The following FAF1 variants were observed in gnomAD, a reference collection of about 807,000 sequenced individuals.
FAF1 encodes the protein Fas associated factor 1.
A neutral mutation model predicts 92.5 loss-of-function variants in FAF1; 25 were observed. The ratio of observed to expected loss-of-function variants is 0.27; its 90% CI spans 0.20 to 0.38. FAF1 has a LOEUF of 0.38. Among genes scored for constraint, FAF1 ranks in the 10% least tolerant of loss-of-function variants. FAF1 has a pLI of 1.00. For missense variants in FAF1, 636 were observed against 793.3 expected, an observed-to-expected ratio of 0.80 and a Z score of 2.38; for synonymous variants, 234 against 273.2, an observed-to-expected ratio of 0.86 and a Z score of 1.42.
chr1:50,706,593 T>C (rs545636638), intron 6 of FAF1, among the ~76,000 whole-genome samples: 1 of 152,250 alleles, frequency 6.6e-6, no homozygotes, highest in South Asian at 2.1e-4. Flanking sequence ...AACTGTCAAT[T>C]ATATCAAATT....
chr1:50,699,361 T>G (rs932071397), intron 7 of FAF1, among the ~76,000 whole-genome samples: 3 of 152,120 alleles, frequency 2.0e-5, no homozygotes, highest in African/African-American at 7.2e-5. Flanking sequence ...TTTTTTAATC[T>G]CATAACTTTG....
chr1:50,813,014 T>C (rs367866473), intron 2 of FAF1, among the ~76,000 whole-genome samples: 23 of 151,994 alleles, frequency 1.5e-4, no homozygotes, highest in East Asian at 9.6e-4. Context: ...AGGAGGTAAA[T>C]ACTCAGTTAC....
chr1:50,599,336 T>TCCTGACCTCAGGTGATCTGCCCA (rs1452061923), intron 8 of FAF1, among the ~76,000 whole-genome samples: 2 of 152,122 alleles, frequency 1.3e-5, no homozygotes, highest in Non-Finnish European at 2.9e-5. Flanking sequence ...GGTCTTGAAC[T>TCCTGACCTCAGGTGATCTGCCCA]CCTGACCTCA....
At chr1:50,598,826 C>T (rs749213659) in intron 8 of FAF1, among the ~76,000 whole-genome samples, 13 of 151,996 alleles carry the variant, frequency 8.6e-5, no homozygotes, top group Admixed American at 2.6e-4. Flanking sequence ...AAAAATTAGC[C>T]GGGCATGGTG....
At chr1:50,707,271 G>T (rs1402749817) in intron 6 of FAF1, among the ~76,000 whole-genome samples, 5 of 151,764 alleles carry the variant, frequency 3.3e-5, no homozygotes, top group African/African-American at 1.2e-4. Context: ...GCGTTCACAG[G>T]TTAATTGTAG....
In FAF1 at chr1:50,874,758, CTTTTTTTTTTTT is replaced by C. The variant is rs755424291; in HGVS notation, c.46-16773_46-16762del. ...TTCTCCATCTTATTTTCTTTTCTTT[CTTTTTTTTTTTT>C]TTTTTTTTTTTTTTTTGGAGACAGG... is the stretch of plus-strand genomic sequence containing the variant. On this transcript the variant is annotated intron_variant, in intron 1 of 18. Transcript: ENST00000396153. 3.5e-3 allele frequency among the ~76,000 whole-genome samples: 237 copies of C among 67,274 alleles called. 1 individual carries two copies. Among genetic ancestry groups the C allele is most frequent in the African/African-American group, 0.014 (216 of 15,910 alleles). The allele number at this position is 67,274 out of a possible 152,430, so 44.1% of individuals were successfully genotyped here.
intron 13 of FAF1, among the ~76,000 whole-genome samples, chr1:50,565,565 T>C (rs896393119): frequency 6.6e-6 from 1 of 152,098 alleles, no homozygotes; most frequent in African/African-American, 2.4e-5. Flanking sequence ...AAACTCTTAT[T>C]ACTAGTGTAT....
intron 2 of FAF1, chr1:50,846,447 C>T (rs548192904): frequency 9.4e-5 from 41 of 436,416 alleles, no homozygotes; most frequent in African/African-American, 5.5e-4. Context: ...GCTTCCGAGC[C>T]GCACGCATCG....
At chr1:50,953,628 A>G (rs1557602759) in intron 1 of FAF1, among the ~76,000 whole-genome samples, 1 of 151,788 alleles carries the variant, frequency 6.6e-6, no homozygotes, top group Non-Finnish European at 1.5e-5. Context: ...AATCCCAGCT[A>G]CTTGGGAGGC....
At chr1:50,454,274 T>C (rs1421885368) in intron 18 of FAF1, among the ~76,000 whole-genome samples, 8 of 152,236 alleles carry the variant, frequency 5.3e-5, no homozygotes, top group African/African-American at 1.9e-4. Flanking sequence ...CAAATATGTC[T>C]TGTGCTTTTC....
intron 7 of FAF1, among the ~76,000 whole-genome samples, chr1:50,702,338 C>T (rs936610021): frequency 1.3e-5 from 2 of 151,690 alleles, no homozygotes; most frequent in East Asian, 1.9e-4. Flanking sequence ...GAATTCTCAG[C>T]GTAAAAAAAA....
intron 6 of FAF1, among the ~76,000 whole-genome samples, chr1:50,735,683 G>A (rs781342512): frequency 2.0e-5 from 3 of 151,908 alleles, no homozygotes; most frequent in Admixed American, 6.6e-5. Context: ...AGAGTGAGAC[G>A]GTTTGTCAGT....
At chr1:50,464,132 C>A (rs1245399621) in intron 18 of FAF1, among the ~76,000 whole-genome samples, 2 of 152,136 alleles carry the variant, frequency 1.3e-5, no homozygotes, top group African/African-American at 4.8e-5. Context: ...TGTGCCATGT[C>A]TGTGTCCTCA....
chr1:50,757,281 G>T (rs1477589835), intron 4 of FAF1, among the ~76,000 whole-genome samples: 4 of 152,028 alleles, frequency 2.6e-5, no homozygotes, highest in Non-Finnish European at 5.9e-5. Context: ...CAGATTTTTT[G>T]TCTGTTGTTC....
At position 50,614,033 on chromosome 1, in the gene FAF1, G is replaced by A. The variant is rs76179493; in HGVS notation, c.745-17817C>T. On this transcript the variant is annotated intron_variant, in intron 8 of 18. Transcript: ENST00000396153. ...AACTGCTTGAACCTGAGAGGTGGAGGTTGCAGTGAGTCGGGATTGTGCCAC... is the reference window on the plus strand; with the variant it reads ...AACTGCTTGAACCTGAGAGGTGGAGATTGCAGTGAGTCGGGATTGTGCCAC... 7.2e-4 allele frequency among the ~76,000 whole-genome samples: 109 copies of A among 152,012 alleles called. 5 individuals carry two copies. In the East Asian group the frequency reaches 0.02, roughly 28 times the overall value.
At position 50,959,796 on chromosome 1, in the gene FAF1, C is replaced by T; in HGVS notation, c.16G>A (p.Asp6Asn). 1 of 1,586,522 alleles carries T rather than the reference C, an allele frequency of 6.3e-7. No individual in the cohort carries two copies. Among genetic ancestry groups the T allele is most frequent in the Non-Finnish European group, 8.6e-7 (1 of 1,165,814 alleles). MASNM[D>N]REMILADFQA... ...AAATCCGCCAGGATCATCTCCCGGT[C>T]CATGTTGGACGCCATGGCGGCCGCC... The change falls in exon 1 of 19, where the codon GAC (aspartate) becomes AAC (asparagine). Residue 6 changes from aspartate to asparagine, a missense_variant. By Grantham distance (23) the Asp-to-Asn change is conservative (BLOSUM62 1). Transcript: ENST00000396153.
At chr1:50,941,030 T>C (rs1483578568) in intron 1 of FAF1, among the ~76,000 whole-genome samples, 2 of 151,632 alleles carry the variant, frequency 1.3e-5, no homozygotes, top group Non-Finnish European at 2.9e-5. Context: ...TGGGGTTTTT[T>C]TGGTTTTTTT....
chr1:50,590,698 T>C (rs960288935), intron 9 of FAF1, among the ~76,000 whole-genome samples: 1 of 152,188 alleles, frequency 6.6e-6, no homozygotes. Flanking sequence ...GGGGTCATTC[T>C]TGGCCGGGCG....
intron 7 of FAF1, among the ~76,000 whole-genome samples, chr1:50,671,026 T>G (rs1377209167): frequency 1.3e-5 from 2 of 152,076 alleles, no homozygotes; most frequent in Admixed American, 6.6e-5. Flanking sequence ...ATAGAATGTA[T>G]GTAAATAATA....
Sources: gnomAD v4.1 joint callset for allele counts (sites outside exome capture counted in the v4.1 genomes callset) on GRCh38, gnomAD v4.1.1 for gene constraint, MANE v1.5 for transcripts, NCBI Gene and HGNC (gene_info 2026-07-23, HGNC 2026-07-21) for gene names.